C11orf65: variants seen among roughly 807,000 people sequenced by gnomAD.
C11orf65 encodes chromosome 11 open reading frame 65, also known as protein MFI.
A neutral mutation model predicts 35.3 loss-of-function variants in C11orf65; 38 were observed. That is an observed-to-expected ratio of 1.08 (90% CI 0.83 to 1.41). C11orf65 has a LOEUF of 1.41. Ranked by LOEUF, C11orf65 falls within the 40% of genes most tolerant of loss-of-function variation. The pLI is 0.00. For missense variants in C11orf65, 370 were observed against 367.1 expected (o/e 1.01, Z -0.06); for synonymous variants, 105 against 114.4 (o/e 0.92, Z 0.53).
rs1443058976 is a variant in C11orf65 at position 108,417,656 on chromosome 11, T to C, written c.175-10507A>G. ...GTAAAATGACAGGAAAGATGTACCA[T>C]GCAAATAAGAGACAGTTGGTGTGCG... On this transcript the variant is annotated intron_variant, in intron 3 of 8. Transcript: ENST00000393084. 2.6e-5 allele frequency among the ~76,000 whole-genome samples: 4 copies of C among 152,086 alleles called. No individual in the cohort carries two copies. The East Asian group carries it at 7.7e-4, about 29-fold the overall frequency.
At chr11:108,328,891 A>G (rs2085959385), downstream of C11orf65, 1 of 1,036,364 alleles carries the variant, frequency 9.6e-7, no homozygotes, top group Non-Finnish European at 1.4e-6. Flanking sequence ...AGTTTGCAAT[A>G]GTTCATATAA....
At chr11:108,458,161 TTCTA>T (rs1449766589) in intron 2 of C11orf65, among the ~76,000 whole-genome samples, 10 of 152,090 alleles carry the variant, frequency 6.6e-5, no homozygotes, top group African/African-American at 2.4e-4. Flanking sequence ...TTTCTTCAGG[TTCTA>T]TCTTTTTTTT....
rs1591788932 is a variant in C11orf65, at chr11:108,317,372, G to T, written c.641-8301C>A. ...TTAAAAACAAAATAACTCCTGTTTAGGCCTTGCAGAATTTGGGACTCTGCC... is the reference window on the plus strand; with the variant it reads ...TTAAAAACAAAATAACTCCTGTTTATGCCTTGCAGAATTTGGGACTCTGCC... On this transcript the variant is annotated intron_variant, in intron 6 of 6. Coordinates refer to the C11orf65 transcript ENST00000525729. 6.2e-7 allele frequency: 1 copy of T among 1,610,124 alleles called. No individual in the cohort carries two copies.
At chr11:108,407,049 T>G in intron 4 of C11orf65, 47 bp downstream of exon 4, 1 of 1,577,160 alleles carries the variant, frequency 6.3e-7, no homozygotes, top group Non-Finnish European at 8.7e-7. Context: ...TTCAATTTCA[T>G]AAAAATGTGC....
chr11:108,415,966 G>A (rs1408903398), intron 3 of C11orf65, among the ~76,000 whole-genome samples: 4 of 152,064 alleles, frequency 2.6e-5, no homozygotes, highest in Non-Finnish European at 5.9e-5. Flanking sequence ...TCACAAAACA[G>A]TAACTAAAAC....
chr11:108,465,587 G>C (rs2093524874), intron 1 of C11orf65, among the ~76,000 whole-genome samples: 1 of 152,102 alleles, frequency 6.6e-6, no homozygotes. Context: ...TTGAGGAAGT[G>C]GGAAAGTTGA....
intron 2 of C11orf65, chr11:108,343,415 T>C (rs2136958038): frequency 6.2e-7 from 1 of 1,608,880 alleles, no homozygotes; most frequent in Non-Finnish European, 8.5e-7. Context: ...GATTATTTAA[T>C]GGCTTATTAA....
chr11:108,469,165 G>A (rs925521896), upstream of C11orf65, among the ~76,000 whole-genome samples: 4 of 151,084 alleles, frequency 2.6e-5, no homozygotes, highest in Non-Finnish European at 2.9e-5. Context: ...GCAGTGAGCC[G>A]AGATAGCGCC....
intron 1 of C11orf65, among the ~76,000 whole-genome samples, chr11:108,463,617 C>G (rs1327960305): frequency 6.6e-6 from 1 of 152,164 alleles, no homozygotes; most frequent in African/African-American, 2.4e-5. Flanking sequence ...AGTTACTTAA[C>G]TCACTCAAAC....
chr11:108,397,701 G>A (rs2092349540), intron 6 of C11orf65, among the ~76,000 whole-genome samples: 1 of 152,264 alleles, frequency 6.6e-6, no homozygotes, highest in South Asian at 2.1e-4. Flanking sequence ...AATGAACAAA[G>A]CACACAAAGT....
intron 3 of C11orf65, among the ~76,000 whole-genome samples, chr11:108,408,693 T>TAAAATAAAATAAA (rs2092596200): frequency 3.0e-5 from 3 of 98,866 alleles, no homozygotes; most frequent in Non-Finnish European, 5.7e-5. Flanking sequence ...TAAAATAAAA[T>TAAAATAAAATAAA]AAAATAAAAT....
chr11:108,443,104 A>T (rs2093185767), intron 2 of C11orf65, among the ~76,000 whole-genome samples: 1 of 152,196 alleles, frequency 6.6e-6, no homozygotes, highest in South Asian at 2.1e-4. Context: ...CATAGGCTCA[A>T]AATAAAGGGA....
chr11:108,357,313 G>A (rs2137471161), intron 2 of C11orf65, among the ~76,000 whole-genome samples: 1 of 152,336 alleles, frequency 6.6e-6, no homozygotes, highest in Middle Eastern at 3.4e-3. Context: ...GAGTCTCGCT[G>A]ATTGCTAGCA....
intron 6 of C11orf65, among the ~76,000 whole-genome samples, chr11:108,404,814 C>T (rs1433798702): frequency 1.3e-5 from 2 of 152,132 alleles, no homozygotes; most frequent in South Asian, 2.1e-4. Context: ...GTCATGATTA[C>T]AGTAGCTTTA....
intron 3 of C11orf65, among the ~76,000 whole-genome samples, chr11:108,415,338 A>G (rs2092714382): frequency 6.6e-6 from 1 of 152,204 alleles, no homozygotes; most frequent in African/African-American, 2.4e-5. Context: ...TGAAATTTTA[A>G]AACACATTGT....
chr11:108,466,216 G>T (rs1046439037), intron 1 of C11orf65, among the ~76,000 whole-genome samples: 2 of 152,066 alleles, frequency 1.3e-5, no homozygotes, highest in East Asian at 1.9e-4. Context: ...ACTTTATATG[G>T]TTATTATGAT....
chr11:108,421,242 G>C (rs1296552698), intron 3 of C11orf65, among the ~76,000 whole-genome samples: 4 of 152,100 alleles, frequency 2.6e-5, no homozygotes, highest in Non-Finnish European at 4.4e-5. Flanking sequence ...GCCTGAGGTG[G>C]CTGCAGGTTG....
At chr11:108,321,951 T>C (rs1347111785) in intron 6 of C11orf65, among the ~76,000 whole-genome samples, 4 of 152,198 alleles carry the variant, frequency 2.6e-5, no homozygotes, top group Non-Finnish European at 4.4e-5. Context: ...GCTTTTCTCT[T>C]TATAACTTTT....
intron 7 of C11orf65, among the ~76,000 whole-genome samples, chr11:108,388,758 C>T (rs893219915): frequency 1.3e-5 from 2 of 152,302 alleles, no homozygotes; most frequent in Non-Finnish European, 2.9e-5. Context: ...GCAAAAGCCA[C>T]GGTAGCTGTC....
Sources: gnomAD v4.1 joint callset for allele counts (sites outside exome capture counted in the v4.1 genomes callset) on GRCh38, gnomAD v4.1.1 for gene constraint, MANE v1.5 for transcripts, NCBI Gene and HGNC (gene_info 2026-07-23, HGNC 2026-07-21) for gene names.